Variants in SSBP3 observed in about 807,000 individuals in gnomAD.
The protein encoded by SSBP3 is single stranded DNA binding protein 3.
Under a neutral mutation model 69.6 loss-of-function variants are expected in SSBP3, and 5 were observed. That is an observed-to-expected ratio of 0.07 (90% CI 0.04 to 0.15). SSBP3 has a LOEUF of 0.15. SSBP3 is among the 10% of genes least tolerant of loss of function. SSBP3 has a pLI of 1.00. For missense variants in SSBP3, 312 were observed against 534.0 expected (o/e 0.58, Z 4.10); for synonymous variants, 196 against 193.4 (o/e 1.01, Z -0.11).
At chr1:54,377,076 A>ATTT (rs1193329819) in intron 4 of SSBP3, among the ~76,000 whole-genome samples, 1 of 152,206 alleles carries the variant, frequency 6.6e-6, no homozygotes, top group African/African-American at 2.4e-5. Flanking sequence ...AGTCAAGGGC[A>ATTT]TTTAAAACAT....
chr1:54,246,659 C>A (rs1446359387), intron 9 of SSBP3, among the ~76,000 whole-genome samples: 3 of 152,216 alleles, frequency 2.0e-5, no homozygotes, highest in Non-Finnish European at 2.9e-5. Context: ...ATGGCAGCTT[C>A]CTAGAGGGAG....
chr1:54,229,879 C>T (rs982310290), intron 14 of SSBP3, among the ~76,000 whole-genome samples: 5 of 152,236 alleles, frequency 3.3e-5, no homozygotes, highest in East Asian at 1.9e-4. Flanking sequence ...AACTACCCCA[C>T]AGGAGGACAG....
intron 4 of SSBP3, among the ~76,000 whole-genome samples, chr1:54,294,764 T>C (rs145671329): frequency 2.6e-4 from 39 of 152,296 alleles, no homozygotes; most frequent in Non-Finnish European, 4.7e-4. Context: ...CTGGCCTCTC[T>C]GAAGACGAGT....
intron 4 of SSBP3, among the ~76,000 whole-genome samples, chr1:54,396,238 G>C (rs1362334925): frequency 7.5e-6 from 1 of 133,966 alleles, no homozygotes; most frequent in South Asian, 2.5e-4. Context: ...TTACCCCAGC[G>C]AATCAAAAAC....
intron 4 of SSBP3, among the ~76,000 whole-genome samples, chr1:54,355,143 G>A: frequency 6.6e-6 from 1 of 152,204 alleles, no homozygotes; most frequent in Non-Finnish European, 1.5e-5. Context: ...TGCAATGCCT[G>A]CCACATGCGG....
chr1:54,322,805 G>A (rs1047377934), intron 4 of SSBP3, among the ~76,000 whole-genome samples: 1 of 152,142 alleles, frequency 6.6e-6, no homozygotes, highest in Non-Finnish European at 1.5e-5. Flanking sequence ...TGTTAAGTCA[G>A]CTGGCATTAC....
chr1:54,383,584 A>G (rs1364339625), intron 4 of SSBP3, among the ~76,000 whole-genome samples: 1 of 152,174 alleles, frequency 6.6e-6, no homozygotes, highest in East Asian at 1.9e-4. Flanking sequence ...TAGATAATGC[A>G]AAGGTCAACT....
intron 13 of SSBP3, 71 bp downstream of exon 13, chr1:54,240,834 T>C (rs936566187): frequency 6.3e-7 from 1 of 1,597,412 alleles, no homozygotes; most frequent in African/African-American, 1.3e-5. Context: ...ACAGTGCCCC[T>C]CCAGGTCTCT....
At chr1:54,232,498 G>A (rs546668039) in intron 14 of SSBP3, among the ~76,000 whole-genome samples, 1 of 152,304 alleles carries the variant, frequency 6.6e-6, no homozygotes, top group South Asian at 2.1e-4. Flanking sequence ...GGGAGGCTGA[G>A]GCAGGAGGAT....
At chr1:54,234,663 C>T (rs925795261) in intron 14 of SSBP3, among the ~76,000 whole-genome samples, 22 of 152,226 alleles carry the variant, frequency 1.4e-4, no homozygotes, top group African/African-American at 5.3e-4. Flanking sequence ...AACAATGTTT[C>T]TTTCTGCCCT....
intron 10 of SSBP3, 66 bp from the exon 11 acceptor site, chr1:54,242,278 G>A: frequency 6.3e-7 from 1 of 1,583,998 alleles, no homozygotes; most frequent in Non-Finnish European, 8.7e-7. Flanking sequence ...GGTGGAGGCA[G>A]CAGGGGCAGA....
chr1:54,369,227 G>GT (rs916426841), intron 4 of SSBP3, among the ~76,000 whole-genome samples: 6 of 147,000 alleles, frequency 4.1e-5, no homozygotes, highest in Admixed American at 1.3e-4. Flanking sequence ...TCGGGGGGGG[G>GT]GCCCAAGCCA....
chr1:54,344,256 C>T (rs565983827), intron 4 of SSBP3, among the ~76,000 whole-genome samples: 4 of 152,258 alleles, frequency 2.6e-5, no homozygotes, highest in East Asian at 1.9e-4. Context: ...GTTTTGTTTA[C>T]GTTTATTATC....
At chr1:54,402,442 C>A (rs1332742926) in intron 3 of SSBP3, among the ~76,000 whole-genome samples, 1 of 152,140 alleles carries the variant, frequency 6.6e-6, no homozygotes, top group Non-Finnish European at 1.5e-5. Flanking sequence ...TCATATATGC[C>A]GCGATTTGGA....
At chr1:54,300,620 G>A (rs776083175) in intron 4 of SSBP3, among the ~76,000 whole-genome samples, 3 of 152,286 alleles carry the variant, frequency 2.0e-5, no homozygotes, top group Admixed American at 6.5e-5. Flanking sequence ...TTCACAGAGC[G>A]GTGACATCTG....
chr1:54,376,962 T>C (rs1250077048), intron 4 of SSBP3, among the ~76,000 whole-genome samples: 1 of 152,096 alleles, frequency 6.6e-6, no homozygotes, highest in Non-Finnish European at 1.5e-5. Flanking sequence ...CAAGTCCAGG[T>C]AAGTTTTTAC....
chr1:54,329,693 C>G (rs1487650818), intron 4 of SSBP3, among the ~76,000 whole-genome samples: 1 of 152,214 alleles, frequency 6.6e-6, no homozygotes, highest in African/African-American at 2.4e-5. Context: ...ATCAACTGTT[C>G]CAAGTTACAC....
intron 4 of SSBP3, among the ~76,000 whole-genome samples, chr1:54,282,335 T>C (rs915445620): frequency 1.3e-5 from 2 of 152,170 alleles, no homozygotes; most frequent in East Asian, 3.9e-4. Flanking sequence ...ACTCAACGAA[T>C]AAATGAACAG....
At chr1:54,311,898 AGCC>A (rs998885864) in intron 4 of SSBP3, among the ~76,000 whole-genome samples, 3 of 152,160 alleles carry the variant, frequency 2.0e-5, no homozygotes, top group African/African-American at 7.2e-5. Context: ...CATCTACAGC[AGCC>A]AAGGCCCCTG....
Sources: gnomAD v4.1 joint callset for allele counts (sites outside exome capture counted in the v4.1 genomes callset) on GRCh38, gnomAD v4.1.1 for gene constraint, MANE v1.5 for transcripts, NCBI Gene and HGNC (gene_info 2026-07-23, HGNC 2026-07-21) for gene names.